Variants in PTPRB observed in about 807,000 individuals in gnomAD.
PTPRB encodes receptor-type tyrosine-protein phosphatase beta.
Under a neutral mutation model 238.1 loss-of-function variants are expected in PTPRB, and 97 were observed. The ratio of observed to expected loss-of-function variants is 0.41; its 90% confidence interval spans 0.35 to 0.48. PTPRB has a LOEUF of 0.48. PTPRB is among the 20% of genes least tolerant of loss of function. The probability of loss-of-function intolerance (pLI) is 0.30; values close to 1 mark genes in which losing one functional copy is unlikely to be tolerated. For synonymous variants in PTPRB, 970 were observed against 995.4 expected (o/e 0.97, Z 0.48); for missense variants, 2,292 against 2,681.9 (o/e 0.85, Z 3.21).
intron 11 of PTPRB, among the ~76,000 whole-genome samples, chr12:70,573,420 CA>C (rs1565962296): frequency 3.3e-5 from 5 of 151,032 alleles, no homozygotes; most frequent in Admixed American, 2.0e-4. Context: ...TTCTTGTGTA[CA>C]TGTTAAATTA....
rs776869310 is a variant in PTPRB, at chr12:70,548,340, TCTCTCTCACACACACACA to T, written c.5388-3695_5388-3678del. ...AAGACTCTCTCTCTCTCTCTCTCTC[TCTCTCTCACACACACACA>T]CACACACACACACACACACACACAC... On this transcript the variant is annotated intron_variant, in intron 21 of 33. Coordinates refer to ENST00000334414, the MANE Select transcript of PTPRB (RefSeq NM_001109754.4). 2.3e-3 allele frequency among the ~76,000 whole-genome samples: 134 copies of T among 58,126 alleles called. 1 individual carries two copies. The highest frequency in any genetic ancestry group is 0.012 in the Admixed American group (60 of 5,014). 38.1% of individuals were successfully genotyped at this position (58,126 alleles called of 152,430 possible). A position where few individuals can be genotyped will look rare whatever the true frequency, so the allele number is the denominator to read the frequency against.
chr12:70,536,195 A>G (rs766625654), intron 28 of PTPRB, 36 bp from the exon 29 acceptor site: 9 of 1,598,682 alleles, frequency 5.6e-6, no homozygotes, highest in African/African-American at 1.3e-5. Flanking sequence ...GTCAGAAACA[A>G]TGGGCCTCTT....
chr12:70,598,969 G>T lies in PTPRB; in HGVS notation c.980-2642C>A, dbSNP rs181753369. On this transcript the variant is annotated intron_variant, in intron 4 of 33. Transcript: ENST00000334414. ...GCTAGAACAAAGGAACAATGAGACT[G>T]GGAAGTGCCTGGGCTGCGAGAACCT... Among the ~76,000 whole-genome samples, 289 of 152,236 alleles carry T rather than the reference G, an allele frequency of 1.9e-3. 1 individual carries two copies. Among genetic ancestry groups the T allele is most frequent in the African/African-American group, 6.2e-3 (259 of 41,544 alleles).
chr12:70,525,712 T>G (rs111839053), intron 32 of PTPRB, among the ~76,000 whole-genome samples: 1 of 152,180 alleles, frequency 6.6e-6, no homozygotes. Context: ...TATAAGGAAA[T>G]TGATTTCTGC....
chr12:70,533,234 A>ATGCC (rs1370500612), intron 31 of PTPRB, among the ~76,000 whole-genome samples: 19 of 152,262 alleles, frequency 1.2e-4, no homozygotes, highest in African/African-American at 4.6e-4. Flanking sequence ...CTGGACAAAA[A>ATGCC]TGCCTGCCAT....
Position 70,592,368 on chromosome 12 carries a change from T to C in PTPRB, c.1694A>G (p.Glu565Gly). The change falls in exon 7 of 34, where the codon GAG becomes GGG. Residue 565 changes from glutamate (E) to glycine (G), a missense_variant. Coordinates refer to ENST00000334414, the MANE Select transcript of PTPRB (RefSeq NM_001109754.4). Reference sequence around the variant, plus strand: ...TTGATAAAGTCGACCGGGGACTAACTCTTTAAAGTGAGTTTCAGTAATCCA... The same window carrying C: ...TTGATAAAGTCGACCGGGGACTAACCCTTTAAAGTGAGTTTCAGTAATCCA... Reference protein sequence around the residue: ...APWITETHFKELVPGRLYQVT... With the variant: ...APWITETHFKGLVPGRLYQVT... 1 of 1,613,962 alleles carries C rather than the reference T, an allele frequency of 6.2e-7. No individual in the cohort carries two copies. Among genetic ancestry groups the C allele is most frequent in the Non-Finnish European group, 8.5e-7 (1 of 1,179,864 alleles).
chr12:70,594,163 C>T (rs983222193), intron 6 of PTPRB, among the ~76,000 whole-genome samples: 1 of 152,048 alleles, frequency 6.6e-6, no homozygotes, highest in African/African-American at 2.4e-5. Flanking sequence ...CAGCAGTTGC[C>T]TGTTTAAGAA....
intron 2 of PTPRB, among the ~76,000 whole-genome samples, chr12:70,631,752 A>C (rs1476851122): frequency 6.6e-6 from 1 of 152,226 alleles, no homozygotes; most frequent in Non-Finnish European, 1.5e-5. Context: ...AAACAACCCC[A>C]TCAAAAAGTG....
intron 11 of PTPRB, among the ~76,000 whole-genome samples, chr12:70,575,235 A>G (rs1414993153): frequency 1.3e-5 from 2 of 152,014 alleles, no homozygotes; most frequent in African/African-American, 2.4e-5. Context: ...GAGAAGCCAC[A>G]CTCCTTCTCT....
chr12:70,519,792 C>T lies in PTPRB; in HGVS notation c.*1697G>A, dbSNP rs1467984717. The stretch of plus-strand genomic sequence containing the variant: ...CTTGATACAGAATCAGAGCTTAAGA[C>T]TGTCATTTCACAAGAGCATTGAGCA... On this transcript the variant is annotated 3_prime_UTR_variant, in exon 34 of 34. Coordinates refer to ENST00000334414, the MANE Select transcript of PTPRB (RefSeq NM_001109754.4). The T allele has an allele frequency of 6.4e-6, 1 of 156,502 alleles. No individual in the cohort carries two copies. Among genetic ancestry groups the T allele is most frequent in the African/African-American group, 2.4e-5 (1 of 41,454 alleles). The allele number at this position is 156,502 out of a possible 1,614,324, so 9.7% of individuals were successfully genotyped here.
intron 3 of PTPRB, among the ~76,000 whole-genome samples, chr12:70,612,883 A>G (rs1884520646): frequency 6.6e-6 from 1 of 152,048 alleles, no homozygotes; most frequent in Non-Finnish European, 1.5e-5. Flanking sequence ...GCTACTCAGG[A>G]GGCTGCAGCA....
chr12:70,540,281 T>C, intron 23 of PTPRB: 1 of 368,008 alleles, frequency 2.7e-6, no homozygotes, highest in Admixed American at 4.2e-5. Flanking sequence ...CTTCCCACAT[T>C]CTCAATAAAA....
At chr12:70,622,777 A>G (rs2136580834) in intron 2 of PTPRB, 131 bp from the exon 3 acceptor site, 1 of 1,081,564 alleles carries the variant, frequency 9.2e-7, no homozygotes, top group East Asian at 2.6e-5. Flanking sequence ...GTTATATGAA[A>G]AAGCAAATAT....
At chr12:70,626,782 C>T (rs1188727864) in intron 2 of PTPRB, among the ~76,000 whole-genome samples, 4 of 151,402 alleles carry the variant, frequency 2.6e-5, no homozygotes, top group South Asian at 2.1e-4. Context: ...CACATACACA[C>T]GTGTGTGTGT....
At chr12:70,580,267 C>T (rs934203888) in intron 10 of PTPRB, among the ~76,000 whole-genome samples, 7 of 152,082 alleles carry the variant, frequency 4.6e-5, no homozygotes, top group Non-Finnish European at 8.8e-5. Context: ...ACTTGTTTAA[C>T]GTTGCTTATG....
chr12:70,622,303 G>C, intron 3 of PTPRB, 87 bp downstream of exon 3: 1 of 1,539,952 alleles, frequency 6.5e-7, no homozygotes, highest in South Asian at 1.2e-5. Flanking sequence ...TACTGCAGCA[G>C]TGGCATTTTT....
intron 21 of PTPRB, 79 bp from the exon 22 acceptor site, chr12:70,544,742 G>A: frequency 1.0e-6 from 1 of 969,846 alleles, no homozygotes; most frequent in Non-Finnish European, 1.5e-6. Flanking sequence ...AGGAGAAATA[G>A]GGCGGGTTCC....
At chr12:70,632,049 A>G (rs1885475654) in intron 2 of PTPRB, among the ~76,000 whole-genome samples, 2 of 152,154 alleles carry the variant, frequency 1.3e-5, no homozygotes. Flanking sequence ...AACTAGAAAT[A>G]CCATTTGACC....
Position 70,519,400 on chromosome 12 carries a change from G to T in PTPRB, c.*2089C>A, listed in dbSNP as rs1338253043. The stretch of plus-strand genomic sequence containing the variant: ...CTCAGTTATCCCATTCCCTTGATGA[G>T]GCTGTCTTTTAAGCTCAATTGAAGG... On this transcript the variant is annotated 3_prime_UTR_variant, in exon 34 of 34. Transcript: ENST00000334414. 1 of 152,138 alleles carries T rather than the reference G, an allele frequency of 6.6e-6. No individual in the cohort carries two copies. Among genetic ancestry groups the T allele is most frequent in the Non-Finnish European group, 1.5e-5 (1 of 68,028 alleles). 9.4% of individuals were successfully genotyped at this position (152,138 alleles called of 1,614,324 possible).
Sources: gnomAD v4.1 joint callset for allele counts (sites outside exome capture counted in the v4.1 genomes callset) on GRCh38, gnomAD v4.1.1 for gene constraint, MANE v1.5 for transcripts, NCBI Gene and HGNC (gene_info 2026-07-23, HGNC 2026-07-21) for gene names.